Variants in CNOT6 observed in about 807,000 individuals in gnomAD.
CNOT6 encodes the protein CCR4-NOT transcription complex subunit 6, also known as carbon catabolite repression 4 protein.
CNOT6 carries 12 observed loss-of-function variants against 61.2 expected under a neutral mutation model. That is an observed-to-expected ratio of 0.20 (90% CI 0.13 to 0.32). The LOEUF (loss-of-function observed/expected upper bound fraction) is 0.32, where lower values mean the gene tolerates loss of function less well. CNOT6 is among the 10% of genes least tolerant of loss of function. The pLI is 1.00. For missense variants in CNOT6, 405 were observed against 663.9 expected (o/e 0.61, Z 4.28); for synonymous variants, 225 against 240.6 (o/e 0.94, Z 0.60).
Position 180,494,681 on chromosome 5 carries a change from TG to T in CNOT6, c.-83del, listed in dbSNP as rs1756505795. On this transcript the variant is annotated 5_prime_UTR_variant, in exon 1 of 12. Coordinates refer to ENST00000261951, the MANE Select transcript of CNOT6 (RefSeq NM_001370472.1). ...GCTGCAGCAGCGGGCGGGACTGGTA[TG>T]GTGGTTCCACAGGGCAGACCCCGCT... 1 of 152,952 alleles carries T rather than the reference TG, an allele frequency of 6.5e-6. No homozygotes were observed. Among genetic ancestry groups the T allele is most frequent in the Non-Finnish European group, 1.4e-5 (1 of 69,872 alleles). 9.5% of individuals were successfully genotyped at this position (152,952 alleles called of 1,614,324 possible).
intron 1 of CNOT6, among the ~76,000 whole-genome samples, chr5:180,507,416 C>A (rs1199246925): frequency 3.3e-5 from 5 of 151,952 alleles, no homozygotes. Context: ...CCTGGCCAAC[C>A]TGGTGAAACC....
intron 2 of CNOT6, among the ~76,000 whole-genome samples, chr5:180,549,531 TC>T (rs1759490926): frequency 6.6e-6 from 1 of 151,878 alleles, no homozygotes; most frequent in Non-Finnish European, 1.5e-5. Context: ...GTGCCTGTAA[TC>T]CCAGCTACTT....
chr5:180,521,075 A>ACAGTC (rs1757860419), intron 1 of CNOT6, among the ~76,000 whole-genome samples: 2 of 152,010 alleles, frequency 1.3e-5, no homozygotes, highest in African/African-American at 4.8e-5. Context: ...CCGAGCTCAG[A>ACAGTC]CAGTCCGCCT....
intron 1 of CNOT6, among the ~76,000 whole-genome samples, chr5:180,508,132 A>C (rs1757215543): frequency 7.5e-6 from 1 of 132,672 alleles, no homozygotes; most frequent in African/African-American, 2.7e-5. Flanking sequence ...AGCTCAGGTA[A>C]GAGCTGAGGG....
At chr5:180,523,534 A>G (rs1057259356) in intron 1 of CNOT6, among the ~76,000 whole-genome samples, 3 of 152,112 alleles carry the variant, frequency 2.0e-5, no homozygotes, top group Non-Finnish European at 4.4e-5. Context: ...TTCAACAACT[A>G]TTTCTTTTCA....
intron 11 of CNOT6, 126 bp from the exon 12 acceptor site, chr5:180,573,862 A>C (rs1760887888): frequency 1.6e-5 from 11 of 680,932 alleles, no homozygotes; most frequent in Non-Finnish European, 2.6e-5. Context: ...ACCTCATCCT[A>C]CAAGCTAGTA....
intron 2 of CNOT6, among the ~76,000 whole-genome samples, chr5:180,529,652 T>C (rs1758259984): frequency 6.6e-6 from 1 of 152,212 alleles, no homozygotes; most frequent in African/African-American, 2.4e-5. Context: ...TGTAAAATAA[T>C]AACAAGGATG....
At chr5:180,567,627 A>C (rs1760530348) in intron 8 of CNOT6, among the ~76,000 whole-genome samples, 2 of 152,206 alleles carry the variant, frequency 1.3e-5, no homozygotes, top group South Asian at 2.1e-4. Flanking sequence ...CATTTTCTTC[A>C]GTTGTAAAAA....
Position 180,574,048 on chromosome 5 carries a change from C to A in CNOT6, c.1522C>A (p.Pro508Thr). 6.2e-7 allele frequency: 1 copy of A among 1,614,010 alleles called. No individual in the cohort carries two copies. Among genetic ancestry groups the A allele is most frequent in the Non-Finnish European group, 8.5e-7 (1 of 1,179,964 alleles). Residue 508 changes from proline to threonine, a missense_variant, in exon 12 of 12, where the codon CCT becomes ACT. Pro to Thr is a conservative substitution (Grantham distance 38, BLOSUM62 -1). This residue lies in a region of CNOT6 where 52 missense variants were observed against 69.3 expected (regional missense o/e 0.75). Transcript: ENST00000261951. ...GCTGAACACCTTAGGCATCCTGGGC[C>A]CTCTGGACCACCACTGGCTGGTTGA... is the stretch of plus-strand genomic sequence containing the variant. ...PQLNTLGILG[P>T]LDHHWLVENN...
chr5:180,552,371 G>A (rs1759650405), intron 3 of CNOT6, among the ~76,000 whole-genome samples: 1 of 151,052 alleles, frequency 6.6e-6, no homozygotes, highest in Non-Finnish European at 1.5e-5. Context: ...TGGGCACGAT[G>A]GCTCAAGCCT....
chr5:180,497,197 C>T (rs1756648613), intron 1 of CNOT6, among the ~76,000 whole-genome samples: 1 of 151,970 alleles, frequency 6.6e-6, no homozygotes, highest in Admixed American at 6.6e-5. Flanking sequence ...TGTGGTGGCG[C>T]ATGCCTGTAA....
In CNOT6 at chr5:180,576,185, C is replaced by G. The variant is rs886583918; in HGVS notation, c.*1985C>G. 1 of 152,406 alleles carries G rather than the reference C, an allele frequency of 6.6e-6. No homozygotes were observed. Among genetic ancestry groups the G allele is most frequent in the Non-Finnish European group, 1.5e-5 (1 of 68,014 alleles). 9.4% of individuals were successfully genotyped at this position (152,406 alleles called of 1,614,324 possible). A position where few individuals can be genotyped will look rare whatever the true frequency, so the allele number is the denominator to read the frequency against. On this transcript the variant is annotated 3_prime_UTR_variant, in exon 12 of 12. Transcript: ENST00000261951. ...AGTGTGAATAAAAGGTATGTTTACT[C>G]ATTTTTCCTGAACACTGTGTTGGTA...
chr5:180,561,356 T>TTTTG (rs139051889), intron 4 of CNOT6, among the ~76,000 whole-genome samples: 3 of 144,748 alleles, frequency 2.1e-5, no homozygotes, highest in African/African-American at 5.2e-5. Context: ...CTTGTGTGTT[T>TTTTG]TGTGTGTGTG....
At chr5:180,564,362 C>T (rs1415294975) in intron 4 of CNOT6, 127 bp from the exon 5 acceptor site, 4 of 660,982 alleles carry the variant, frequency 6.1e-6, no homozygotes, top group Non-Finnish European at 1.1e-5. Context: ...ACAATATTTT[C>T]TATAGTCTGA....
At chr5:180,514,255 C>T (rs1420224837) in intron 1 of CNOT6, among the ~76,000 whole-genome samples, 2 of 152,104 alleles carry the variant, frequency 1.3e-5, no homozygotes, top group Non-Finnish European at 2.9e-5. Context: ...AACCCCGTCT[C>T]TACTAAAAAT....
chr5:180,544,588 G>C (rs1378070300), intron 2 of CNOT6, among the ~76,000 whole-genome samples: 1 of 151,738 alleles, frequency 6.6e-6, no homozygotes, highest in African/African-American at 2.4e-5. Context: ...TTTCTTTCTG[G>C]CTACCTTCTA....
At chr5:180,566,107 A>G in intron 7 of CNOT6, 130 bp downstream of exon 7, 1 of 836,442 alleles carries the variant, frequency 1.2e-6, no homozygotes, top group Non-Finnish European at 1.8e-6. Context: ...GTTATTAGTG[A>G]ATCCTGGGAG....
chr5:180,538,539 T>C (rs1252955151), intron 2 of CNOT6, among the ~76,000 whole-genome samples: 1 of 150,614 alleles, frequency 6.6e-6, no homozygotes, highest in African/African-American at 2.4e-5. Context: ...ACAAAAAAAA[T>C]TTGCCGGGCA....
intron 2 of CNOT6, among the ~76,000 whole-genome samples, chr5:180,537,191 A>T (rs147939374): frequency 4.1e-4 from 62 of 152,342 alleles, no homozygotes; most frequent in Middle Eastern, 6.8e-3. Context: ...GCTGAATTAT[A>T]TGGGAATAGT....
Sources: allele counts gnomAD v4.1 joint callset (sites outside exome capture counted in the v4.1 genomes callset), GRCh38; gene constraint gnomAD v4.1.1; regional missense constraint gnomAD v4.1.1; transcripts MANE v1.5; gene names NCBI Gene and HGNC (gene_info 2026-07-23, HGNC 2026-07-21).